The following CDK15 variants were observed in gnomAD, a reference collection of about 807,000 sequenced individuals.
CDK15 encodes the protein cyclin-dependent kinase 15.
Under a neutral mutation model 60.3 loss-of-function variants are expected in CDK15, and 62 were observed. That is an observed-to-expected ratio of 1.03 (90% CI 0.84 to 1.27). The LOEUF is 1.27. Among genes scored for constraint, CDK15 ranks in the 50% most tolerant of loss-of-function variants. The pLI, the probability that CDK15 is intolerant of heterozygous loss-of-function variation, is 0.00. For synonymous variants in CDK15, 194 were observed against 195.7 expected (o/e 0.99, Z 0.07); for missense variants, 541 against 527.8 (o/e 1.03, Z -0.25).
chr2:201,839,806 T>C (rs1317338813), intron 8 of CDK15, among the ~76,000 whole-genome samples: 1 of 152,210 alleles, frequency 6.6e-6, no homozygotes, highest in Non-Finnish European at 1.5e-5. Context: ...TTTGAAATTA[T>C]TTCAAGATTA....
intron 9 of CDK15, among the ~76,000 whole-genome samples, chr2:201,849,879 C>T (rs1697828430): frequency 6.6e-6 from 1 of 152,050 alleles, no homozygotes; most frequent in African/African-American, 2.4e-5. Context: ...GGCTGGAGTG[C>T]AGTGGTGCCA....
In CDK15 at chr2:201,865,695, G is replaced by GCCTGGC. The variant is rs550745142; in HGVS notation, c.1010-6581_1010-6576dup. 4.1e-4 allele frequency among the ~76,000 whole-genome samples: 62 copies of GCCTGGC among 152,002 alleles called. 2 individuals carry two copies. The highest frequency in any genetic ancestry group is 3.8e-3 in the Admixed American group (58 of 15,262). The stretch of plus-strand genomic sequence containing the variant: ...ACCTGAGGTTAGGAGTTCAAGACCA[G>GCCTGGC]CCTGGCCAACATGATGAAACCCCAT... On this transcript the variant is annotated intron_variant, in intron 10 of 13. Transcript: ENST00000652192.
At chr2:201,818,046 G>A (rs1008031597) in intron 4 of CDK15, among the ~76,000 whole-genome samples, 1 of 152,186 alleles carries the variant, frequency 6.6e-6, no homozygotes, top group East Asian at 1.9e-4. Context: ...TGTCCAATGA[G>A]GGTTGGGGAG....
intron 10 of CDK15, among the ~76,000 whole-genome samples, chr2:201,870,751 A>G (rs959927869): frequency 6.6e-6 from 1 of 152,130 alleles, no homozygotes; most frequent in East Asian, 1.9e-4. Context: ...AAATAATTAC[A>G]TTTCAGGCCT....
chr2:201,861,117 G>A, intron 10 of CDK15: 1 of 1,047,672 alleles, frequency 9.5e-7, no homozygotes, highest in Non-Finnish European at 1.2e-6. Flanking sequence ...CAATTCATAT[G>A]GAACTGTAAG....
intron 9 of CDK15, among the ~76,000 whole-genome samples, 162 bp downstream of exon 9, chr2:201,847,636 G>A (rs1299327580): frequency 6.6e-6 from 1 of 152,124 alleles, no homozygotes; most frequent in Non-Finnish European, 1.5e-5. Flanking sequence ...AAGCACCCTG[G>A]GAATGTGTGG....
At chr2:201,859,627 G>A (rs369196026) in intron 10 of CDK15, among the ~76,000 whole-genome samples, 3 of 152,274 alleles carry the variant, frequency 2.0e-5, no homozygotes, top group East Asian at 3.9e-4. Context: ...GGAGCCCAGC[G>A]GGGAGCCCAG....
chr2:201,850,589 A>C (rs531213362), intron 9 of CDK15, among the ~76,000 whole-genome samples: 2 of 152,340 alleles, frequency 1.3e-5, no homozygotes, highest in South Asian at 4.1e-4. Flanking sequence ...TGCAGTAACA[A>C]AACTGCATTC....
intron 6 of CDK15, among the ~76,000 whole-genome samples, chr2:201,826,321 G>A (rs746811072): frequency 3.3e-5 from 5 of 152,050 alleles, no homozygotes; most frequent in Non-Finnish European, 5.9e-5. Context: ...TTAGCCAGGC[G>A]TGGTGGCGGG....
chr2:201,812,456 G>A (rs1423187500), intron 3 of CDK15, 27 bp from the exon 4 acceptor site: 2 of 1,548,936 alleles, frequency 1.3e-6, no homozygotes, highest in Admixed American at 3.4e-5. Flanking sequence ...CTCAATAAGT[G>A]TGTGCCCCTC....
At chr2:201,861,679 G>C (rs1237669935) in intron 10 of CDK15, 1 of 285,006 alleles carries the variant, frequency 3.5e-6, no homozygotes, top group Non-Finnish European at 5.2e-6. Context: ...TCCTGCTTCA[G>C]CCTCCCGAGT....
At chr2:201,838,040 C>T (rs1362037476) in intron 8 of CDK15, among the ~76,000 whole-genome samples, 1 of 152,178 alleles carries the variant, frequency 6.6e-6, no homozygotes, top group Non-Finnish European at 1.5e-5. Flanking sequence ...CAGGCTCTGG[C>T]TTACTCAGCT....
chr2:201,846,667 C>T (rs911443014), intron 8 of CDK15, among the ~76,000 whole-genome samples: 2 of 151,242 alleles, frequency 1.3e-5, no homozygotes, highest in East Asian at 3.9e-4. Context: ...AGTAAGCTAA[C>T]ACTACATAAC....
chr2:201,866,010 A>ATGTGTGTGTGTGTG (rs72270010), intron 10 of CDK15, among the ~76,000 whole-genome samples: 24 of 139,740 alleles, frequency 1.7e-4, no homozygotes, highest in African/African-American at 6.0e-4. Context: ...ACATGAGTGA[A>ATGTGTGTGTGTGTG]TGTGTGTGTG....
intron 13 of CDK15, among the ~76,000 whole-genome samples, chr2:201,892,142 T>TA (rs1276518346): frequency 6.6e-6 from 1 of 152,240 alleles, no homozygotes; most frequent in Admixed American, 6.5e-5. Context: ...TTTTATGAAA[T>TA]ACCTAAGTTT....
intron 11 of CDK15, among the ~76,000 whole-genome samples, chr2:201,873,983 G>C (rs908282469): frequency 4.0e-4 from 60 of 151,190 alleles, no homozygotes; most frequent in African/African-American, 1.4e-3. Context: ...GAACCCGGGA[G>C]GCGGAGGTTG....
chr2:201,853,583 T>C (rs1217003528), intron 9 of CDK15, among the ~76,000 whole-genome samples: 1 of 152,210 alleles, frequency 6.6e-6, no homozygotes, highest in Non-Finnish European at 1.5e-5. Context: ...GAGATGTTTC[T>C]AAAAAGAGTT....
At chr2:201,828,961 T>C (rs1024922689) in intron 6 of CDK15, among the ~76,000 whole-genome samples, 5 of 152,204 alleles carry the variant, frequency 3.3e-5, no homozygotes. Context: ...CAGCTATCAG[T>C]CAACTCTACA....
chr2:201,852,845 C>G (rs569557359), intron 9 of CDK15, among the ~76,000 whole-genome samples: 3 of 152,298 alleles, frequency 2.0e-5, no homozygotes, highest in Admixed American at 2.0e-4. Flanking sequence ...CTTTTAAAAT[C>G]TCAAGCTTAA....
Sources: gnomAD v4.1 joint callset for allele counts (sites outside exome capture counted in the v4.1 genomes callset) on GRCh38, gnomAD v4.1.1 for gene constraint, MANE v1.5 for transcripts, NCBI Gene and HGNC (gene_info 2026-07-23, HGNC 2026-07-21) for gene names.